ZNF106: variants seen among roughly 807,000 people sequenced by gnomAD.
The protein encoded by ZNF106 is SH3-domain binding protein 3.
A neutral mutation model predicts 195.1 loss-of-function variants in ZNF106; 67 were observed. The ratio of observed to expected loss-of-function variants is 0.34; its 90% confidence interval spans 0.28 to 0.42. The LOEUF (loss-of-function observed/expected upper bound fraction) is 0.42. Ranked by LOEUF, ZNF106 falls within the 10% of genes least tolerant of loss-of-function variation. ZNF106 has a pLI of 1.00. For synonymous variants in ZNF106, 784 were observed against 818.6 expected, an observed-to-expected ratio of 0.96 and a Z score of 0.72; for missense variants, 2,118 against 2,304.5, an observed-to-expected ratio of 0.92 and a Z score of 1.66.
intron 14 of ZNF106, among the ~76,000 whole-genome samples, chr15:42,433,230 C>T (rs556640397): frequency 1.2e-4 from 18 of 151,996 alleles, no homozygotes; most frequent in African/African-American, 3.9e-4. Context: ...CTCAGCCTCC[C>T]GAGTAGCTGG....
chr15:42,477,036 G>A (rs2056800355), intron 1 of ZNF106, among the ~76,000 whole-genome samples: 1 of 152,094 alleles, frequency 6.6e-6, no homozygotes, highest in Non-Finnish European at 1.5e-5. Context: ...GACTTCACAG[G>A]GTATCGGTGC....
chr15:42,440,996 AAAATATATATATATATATATATAT>A lies in ZNF106; in HGVS notation c.3763+1053_3763+1076del, dbSNP rs1312605586. ...CGAAACTCTGTCTAAAAAAAAAAAA[AAAATATATATATATATATATATAT>A]ATATATATATATATATATATATATA... On this transcript the variant is annotated intron_variant, in intron 10 of 21. Coordinates refer to ENST00000564754, the MANE Select transcript of ZNF106 (RefSeq NM_001366845.3). Among the ~76,000 whole-genome samples, 50 of 49,394 alleles carry A rather than the reference AAAATATATATATATATATATATAT, an allele frequency of 1.0e-3. 1 individual carries two copies. The highest frequency in any genetic ancestry group is 8.3e-4 in the Non-Finnish European group (27 of 32,632). 32.4% of individuals were successfully genotyped at this position (49,394 alleles called of 152,430 possible). A position where few individuals can be genotyped will look rare whatever the true frequency, so the allele number is the denominator to read the frequency against.
intron 1 of ZNF106, among the ~76,000 whole-genome samples, chr15:42,478,910 T>C (rs1299065154): frequency 2.6e-5 from 4 of 152,236 alleles, no homozygotes; most frequent in Admixed American, 2.6e-4. Context: ...TTGGCTCCCC[T>C]TGGCCATGAC....
chr15:42,437,615 T>A (rs987579051), intron 12 of ZNF106, among the ~76,000 whole-genome samples: 1 of 151,978 alleles, frequency 6.6e-6, no homozygotes, highest in Non-Finnish European at 1.5e-5. Context: ...AATTATATAA[T>A]GAGCTTTTGG....
chr15:42,439,898 A>G, intron 10 of ZNF106, 85 bp from the exon 11 acceptor site: 1 of 1,360,734 alleles, frequency 7.3e-7, no homozygotes, highest in Non-Finnish European at 9.8e-7. Flanking sequence ...AAATATTTCA[A>G]TGATATGTTC....
At chr15:42,476,755 G>C (rs544774045) in intron 1 of ZNF106, among the ~76,000 whole-genome samples, 1 of 152,234 alleles carries the variant, frequency 6.6e-6, no homozygotes, top group South Asian at 2.1e-4. Context: ...TGCTGTCTCA[G>C]GGGTAGCAGA....
Position 42,451,953 on chromosome 15 carries a change from G to A in ZNF106, c.319C>T (p.Gln107Ter). The change falls in exon 5 of 22, where the codon CAA (glutamine) becomes TAA (stop). Residue 107 changes from glutamine (Q) to a stop codon, truncating the protein, a stop_gained and splice_region_variant. Transcript: ENST00000564754. LOFTEE classifies it high-confidence loss of function. The part of the protein sequence containing the change: ...LIKQRKEQSR[Q>*]DEPSNSNQEI... ...TGGTTGCTATTGGAAGGTTCATCTT[G>A]TCTGGAAGAAAAACAGTTTTTCATT... 6.3e-7 allele frequency: 1 copy of A among 1,599,754 alleles called. No homozygotes were observed. The highest frequency in any genetic ancestry group is 8.5e-7 in the Non-Finnish European group (1 of 1,173,390).
intron 5 of ZNF106, among the ~76,000 whole-genome samples, chr15:42,449,528 C>A (rs978155229): frequency 6.6e-6 from 1 of 152,300 alleles, no homozygotes; most frequent in East Asian, 1.9e-4. Flanking sequence ...TTTTTTCCTA[C>A]GTCACCACCT....
intron 1 of ZNF106, among the ~76,000 whole-genome samples, chr15:42,488,748 CAT>C (rs2057069991): frequency 6.6e-6 from 1 of 152,122 alleles, no homozygotes; most frequent in African/African-American, 2.4e-5. Context: ...AATCACTATT[CAT>C]AGTCTTTCCT....
At chr15:42,466,900 C>A (rs548785239) in intron 2 of ZNF106, among the ~76,000 whole-genome samples, 1 of 151,796 alleles carries the variant, frequency 6.6e-6, no homozygotes, top group African/African-American at 2.4e-5. Flanking sequence ...TTTGGGAGGC[C>A]GAGGTGGGCA....
At chr15:42,473,330 T>C (rs1363748853) in intron 1 of ZNF106, among the ~76,000 whole-genome samples, 1 of 152,228 alleles carries the variant, frequency 6.6e-6, no homozygotes, top group Non-Finnish European at 1.5e-5. Flanking sequence ...TCCATCTCAC[T>C]CACAGAAAAC....
intron 2 of ZNF106, among the ~76,000 whole-genome samples, chr15:42,469,337 C>T (rs1319681419): frequency 6.6e-6 from 1 of 152,172 alleles, no homozygotes; most frequent in African/African-American, 2.4e-5. Flanking sequence ...CTGACCAAAA[C>T]AGCATTCACT....
At chr15:42,460,478 T>C (rs1265775985) in intron 3 of ZNF106, among the ~76,000 whole-genome samples, 2 of 152,196 alleles carry the variant, frequency 1.3e-5, no homozygotes, top group Non-Finnish European at 2.9e-5. Context: ...TTTGCAATCC[T>C]AGTGAGAAAG....
rs1283068324 is a variant in ZNF106, at chr15:42,430,301, A to C, written c.4882-2167T>G. On this transcript the variant is annotated intron_variant, in intron 14 of 21. Transcript: ENST00000564754. The stretch of plus-strand genomic sequence containing the variant: ...GTTTTAATTTGCATTTATTTGCAAG[A>C]TTGTATTTTTTTCAGTTATTTGTTA... 3.3e-5 allele frequency among the ~76,000 whole-genome samples: 5 copies of C among 151,920 alleles called. No individual in the cohort carries two copies. In the South Asian group the frequency reaches 1.0e-3, roughly 32 times the overall value.
rs1329536193 is a variant in ZNF106, at chr15:42,439,161, G to C, written c.4416C>G (p.Asp1472Glu). Residue 1472 changes from aspartate (D) to glutamate (E), a missense_variant, in exon 11 of 22, where the codon GAC (aspartate) becomes GAG (glutamate). Transcript: ENST00000564754. ...DSSESGEEKP[D>E]SPSKKDIWNS... ...TCCAAATATCCTTTTTAGATGGGCTGTCTGGTTTCTCTTCTCCTGATTCTG... is the reference window on the plus strand; with the variant it reads ...TCCAAATATCCTTTTTAGATGGGCTCTCTGGTTTCTCTTCTCCTGATTCTG... 1.2e-6 allele frequency: 2 copies of C among 1,614,098 alleles called. No individual in the cohort carries two copies. The highest frequency in any genetic ancestry group is 1.7e-6 in the Non-Finnish European group (2 of 1,180,022).
At chr15:42,419,014 C>T (rs904365211) in intron 20 of ZNF106, among the ~76,000 whole-genome samples, 2 of 149,644 alleles carry the variant, frequency 1.3e-5, no homozygotes, top group African/African-American at 5.0e-5. Context: ...TCACTTCAGC[C>T]CAGGAGCTCG....
Position 42,437,382 on chromosome 15 carries a change from A to G in ZNF106, c.4601-5T>C. Reference sequence around the variant, plus strand: ...CTCCTGGCTCTGAAGATATTTCTGGAAAACAAGAATAGGTTTCAGAGACAT... The same window carrying G: ...CTCCTGGCTCTGAAGATATTTCTGGGAAACAAGAATAGGTTTCAGAGACAT... On this transcript the variant is annotated splice_region_variant and splice_polypyrimidine_tract_variant and intron_variant, in intron 12 of 21. Transcript: ENST00000564754. 1 of 1,612,580 alleles carries G rather than the reference A, an allele frequency of 6.2e-7. No homozygotes were observed. The highest frequency in any genetic ancestry group is 8.5e-7 in the Non-Finnish European group (1 of 1,179,660).
intron 1 of ZNF106, among the ~76,000 whole-genome samples, chr15:42,487,490 C>CAAAAAAA (rs961444853): frequency 2.2e-5 from 1 of 44,720 alleles, no homozygotes; most frequent in African/African-American, 8.8e-5. Flanking sequence ...GACCCTGTCT[C>CAAAAAAA]AAAAAAAAAA....
chr15:42,478,569 G>T (rs1177649444), intron 1 of ZNF106, among the ~76,000 whole-genome samples: 22 of 139,858 alleles, frequency 1.6e-4, no homozygotes, highest in African/African-American at 5.4e-4. Context: ...AGGCAGGAGT[G>T]CAGTGGCATG....
Sources: gnomAD v4.1 joint callset for allele counts (sites outside exome capture counted in the v4.1 genomes callset) on GRCh38, gnomAD v4.1.1 for gene constraint, MANE v1.5 for transcripts, NCBI Gene and HGNC (gene_info 2026-07-23, HGNC 2026-07-21) for gene names.